The following SULF2 variants were observed in gnomAD, a reference collection of about 807,000 sequenced individuals.
SULF2 encodes the protein sulfatase 2.
Under a neutral mutation model 107.7 loss-of-function variants are expected in SULF2, and 52 were observed. The observed-to-expected ratio is 0.48, with a 90% CI of 0.39 to 0.61. SULF2 has a LOEUF of 0.61. SULF2 is among the 20% of genes least tolerant of loss of function. The probability of loss-of-function intolerance (pLI) is 0.00; values close to 1 mark genes in which losing one functional copy is unlikely to be tolerated. For missense variants in SULF2, 993 were observed against 1,177.3 expected (o/e 0.84, Z 2.29); for synonymous variants, 460 against 464.3 (o/e 0.99, Z 0.12).
intron 5 of SULF2, among the ~76,000 whole-genome samples, chr20:47,687,759 G>A (rs2088061064): frequency 6.6e-6 from 1 of 151,874 alleles, no homozygotes; most frequent in African/African-American, 2.4e-5. Context: ...TCAGGCTGGA[G>A]TGTAGTGGCG....
chr20:47,753,572 T>C (rs2090210834), intron 2 of SULF2, among the ~76,000 whole-genome samples: 1 of 152,262 alleles, frequency 6.6e-6, no homozygotes. Context: ...CAGTGATCCT[T>C]TGCCGAAGGC....
rs1192127146 is a variant in SULF2 at position 47,736,894 on chromosome 20, C to T, written c.224G>A (p.Gly75Glu). 6.2e-7 allele frequency: 1 copy of T among 1,614,244 alleles called. No homozygotes were observed. ...NKTRRIMEQG[G>E]AHFINAFVTT... is the part of the protein sequence containing the mutation. ...CACGAAGGCGTTGATGAAGTGCGCC[C>T]CGCCCTGCTCCATGATGCGCCGGGT... The change falls in exon 3 of 21, where the codon GGG becomes GAG. Residue 75 changes from glycine to glutamate, a missense_variant. Physicochemically the swap from Gly to Glu is moderately conservative, Grantham distance 98. Around this residue, in one of 3 missense-constraint regions of SULF2, gnomAD observed 388 missense variants for 449.2 expected, o/e 0.86. Coordinates refer to ENST00000688720, the MANE Select transcript of SULF2 (RefSeq NM_001387048.1).
At chr20:47,697,852 G>A (rs538571132) in intron 4 of SULF2, among the ~76,000 whole-genome samples, 1 of 152,350 alleles carries the variant, frequency 6.6e-6, no homozygotes, top group African/African-American at 2.4e-5. Context: ...AGGCGTGGAT[G>A]TGGTGAAGAA....
At chr20:47,725,734 C>T (rs2089423025) in intron 3 of SULF2, among the ~76,000 whole-genome samples, 1 of 152,200 alleles carries the variant, frequency 6.6e-6, no homozygotes, top group Non-Finnish European at 1.5e-5. Flanking sequence ...CCCAGCCTGC[C>T]TCTCTGCTTT....
chr20:47,696,399 A>C (rs369752361), intron 4 of SULF2, among the ~76,000 whole-genome samples: 79 of 63,790 alleles, frequency 1.2e-3, no homozygotes, highest in African/African-American at 4.3e-3. Context: ...ATTACTCCTT[A>C]CCACCCCCCC....
At chr20:47,740,102 T>TA (rs1258939004) in intron 2 of SULF2, among the ~76,000 whole-genome samples, 1 of 152,178 alleles carries the variant, frequency 6.6e-6, no homozygotes, top group Non-Finnish European at 1.5e-5. Context: ...ATGCCAGTAA[T>TA]AATCATTATA....
At chr20:47,725,601 T>C (rs1178784854) in intron 3 of SULF2, among the ~76,000 whole-genome samples, 1 of 152,214 alleles carries the variant, frequency 6.6e-6, no homozygotes, top group Non-Finnish European at 1.5e-5. Context: ...TGCAAGCCGG[T>C]GGCCTGCAGA....
chr20:47,691,566 A>G (rs2088197616), intron 4 of SULF2, among the ~76,000 whole-genome samples: 1 of 152,226 alleles, frequency 6.6e-6, no homozygotes, highest in Admixed American at 6.5e-5. Context: ...ATTGAGAATC[A>G]CTGATCCAGG....
upstream of SULF2, chr20:47,785,535 A>AG: frequency 7.0e-6 from 1 of 143,318 alleles, no homozygotes; most frequent in Non-Finnish European, 1.5e-5. Flanking sequence ...CCGCCCCCCA[A>AG]CGCCGCCGCC....
intron 1 of SULF2, among the ~76,000 whole-genome samples, chr20:47,761,253 C>T (rs2090412743): frequency 6.6e-6 from 1 of 152,164 alleles, no homozygotes; most frequent in Non-Finnish European, 1.5e-5. Context: ...GTCCTAAGGC[C>T]ACCCAGACAG....
At chr20:47,772,186 G>C (rs1195414096) in intron 1 of SULF2, among the ~76,000 whole-genome samples, 2 of 152,136 alleles carry the variant, frequency 1.3e-5, no homozygotes, top group African/African-American at 4.8e-5. Flanking sequence ...GTCTATCTTG[G>C]AGGAACCAGC....
chr20:47,658,362 T>A lies in SULF2; in HGVS notation c.2613A>T (p.Ter871TyrextTer15). Reference sequence around the variant, plus strand: ...TTTGGAGGTCCACCTCTGTTGTTTCTTAACCTTCCCAGCCTTCCCACAGTT... The same window carrying A: ...TTTGGAGGTCCACCTCTGTTGTTTCATAACCTTCCCAGCCTTCCCACAGTT... The part of the protein sequence containing the change: ...LGQLWEGWEG[*>Y] Residue 871 changes from the stop codon to tyrosine, a stop_lost, in exon 21 of 21, where the codon TAA becomes TAT. Transcript: ENST00000688720. 1.2e-6 allele frequency: 2 copies of A among 1,614,206 alleles called. No individual in the cohort carries two copies. Among genetic ancestry groups the A allele is most frequent in the Non-Finnish European group, 1.7e-6 (2 of 1,180,018 alleles).
intron 4 of SULF2, among the ~76,000 whole-genome samples, chr20:47,692,566 A>C (rs1602659228): frequency 6.6e-6 from 1 of 151,964 alleles, no homozygotes; most frequent in East Asian, 1.9e-4. Flanking sequence ...ATGTGCCACC[A>C]CACCCAGCTA....
At chr20:47,714,324 G>T (rs534317921) in intron 3 of SULF2, among the ~76,000 whole-genome samples, 2 of 152,230 alleles carry the variant, frequency 1.3e-5, no homozygotes, top group South Asian at 4.1e-4. Context: ...CTTCACACCG[G>T]CCTCTTGATT....
chr20:47,709,623 C>T (rs2088860000), intron 3 of SULF2, among the ~76,000 whole-genome samples: 1 of 152,196 alleles, frequency 6.6e-6, no homozygotes, highest in Admixed American at 6.5e-5. Context: ...GCTGGGCCAA[C>T]TGCAGCGAGT....
At chr20:47,732,195 C>T (rs1185760949) in intron 3 of SULF2, among the ~76,000 whole-genome samples, 4 of 152,204 alleles carry the variant, frequency 2.6e-5, no homozygotes, top group African/African-American at 2.4e-5. Flanking sequence ...TGCACCCAGC[C>T]ATCATTGCTA....
intron 2 of SULF2, among the ~76,000 whole-genome samples, chr20:47,754,284 C>T (rs958858045): frequency 6.6e-6 from 1 of 152,178 alleles, no homozygotes; most frequent in Non-Finnish European, 1.5e-5. Context: ...GTCTCCAGCC[C>T]AGAGGGCTGT....
At chr20:47,679,721 C>G (rs1308298812) in intron 7 of SULF2, among the ~76,000 whole-genome samples, 2 of 152,154 alleles carry the variant, frequency 1.3e-5, no homozygotes, top group Non-Finnish European at 2.9e-5. Context: ...AGCAGACGAC[C>G]CTGCAGGGCT....
At position 47,658,175 on chromosome 20, in the gene SULF2, C is replaced by T; in HGVS notation, c.*187G>A. The T allele has an allele frequency of 6.2e-6, 4 of 641,868 alleles. No individual in the cohort carries two copies. Among genetic ancestry groups the T allele is most frequent in the Non-Finnish European group, 1.1e-5 (4 of 357,202 alleles). 39.8% of individuals were successfully genotyped at this position (641,868 alleles called of 1,614,324 possible). ...CAAAAGCAGGGGCAAAAATGGACTT[C>T]CTGAAGTTATCTCTGCTCCTGCTGG... On this transcript the variant is annotated 3_prime_UTR_variant, in exon 21 of 21. Coordinates refer to ENST00000688720, the MANE Select transcript of SULF2 (RefSeq NM_001387048.1).
Sources: allele counts gnomAD v4.1 joint callset (sites outside exome capture counted in the v4.1 genomes callset), GRCh38; gene constraint gnomAD v4.1.1; regional missense constraint gnomAD v4.1.1; transcripts MANE v1.5; gene names NCBI Gene and HGNC (gene_info 2026-07-23, HGNC 2026-07-21).